Variants in TGFB2 observed in about 807,000 individuals in gnomAD.
The protein encoded by TGFB2 is transforming growth factor beta-2 proprotein.
TGFB2 carries 13 observed loss-of-function variants against 42.7 expected under a neutral mutation model. The ratio of observed to expected loss-of-function variants is 0.30; its 90% CI spans 0.20 to 0.48. TGFB2 has a LOEUF of 0.48. TGFB2 is among the 20% of genes least tolerant of loss of function. The probability of loss-of-function intolerance (pLI) is 0.99; values close to 1 mark genes in which losing one functional copy is unlikely to be tolerated. For missense variants in TGFB2, 390 were observed against 517.5 expected (o/e 0.75, Z 2.39); for synonymous variants, 193 against 193.6 (o/e 1.00, Z 0.03).
chr1:218,405,532 C>G (rs1658884954), intron 2 of TGFB2, 200 bp downstream of exon 2: 6 of 932,122 alleles, frequency 6.4e-6, no homozygotes, highest in Admixed American at 2.2e-5. Flanking sequence ...ACCCGATTAT[C>G]TTTTTAAAAA....
intron 2 of TGFB2, among the ~76,000 whole-genome samples, chr1:218,411,379 G>C (rs1472859473): frequency 6.6e-6 from 1 of 152,124 alleles, no homozygotes; most frequent in Non-Finnish European, 1.5e-5. Flanking sequence ...CAGTTGGGCT[G>C]GTCTGGAGGA....
rs771462152 is a variant in TGFB2, at chr1:218,346,707, C to T, written c.6C>T (p.His2=). 5.0e-6 allele frequency: 8 copies of T among 1,587,802 alleles called. No homozygotes were observed. Among genetic ancestry groups the T allele is most frequent in the East Asian group, 2.2e-5 (1 of 44,700 alleles). ...TTTTTCCACTTTTTTAAAAAATGCA[C>T]TACTGTGTGCTGAGCGCTTTTCTGA... M[H]YCVLSAFLIL... The change falls in exon 1 of 7, where the codon CAC becomes CAT. Residue 2 remains histidine (H), a synonymous_variant. Transcript: ENST00000366930. This position sits in a 1 kb window ranked among gnomAD's most constrained non-coding sequence, Gnocchi z 4.9.
chr1:218,396,100 C>A (rs868750556), intron 1 of TGFB2, among the ~76,000 whole-genome samples: 1 of 152,118 alleles, frequency 6.6e-6, no homozygotes, highest in Non-Finnish European at 1.5e-5. Context: ...TAGTTCATGA[C>A]GCTGAGTAAC....
chr1:218,358,124 C>G (rs1244787295), intron 1 of TGFB2, among the ~76,000 whole-genome samples: 2 of 152,166 alleles, frequency 1.3e-5, no homozygotes, highest in Non-Finnish European at 2.9e-5. Context: ...ATCTTGTAAG[C>G]AAGAATGCAA....
Position 218,441,243 on chromosome 1 carries a change from G to A in TGFB2, c.1126G>A (p.Ala376Thr), listed in dbSNP as rs201788738. ...LYNTINPEASASPCCVSQDLE... is the reference protein window; with the variant it reads ...LYNTINPEASTSPCCVSQDLE... ...TAATACCATAAATCCAGAAGCATCT[G>A]CTTCTCCTTGCTGCGTGTCCCAAGA... The change falls in exon 7 of 7, where the codon GCT (alanine) becomes ACT (threonine). Residue 376 changes from alanine to threonine, a missense_variant. Physicochemically the swap from Ala to Thr is moderately conservative, Grantham distance 58. Transcript: ENST00000366930. The A allele has an allele frequency of 1.7e-5, 28 of 1,613,592 alleles. No individual in the cohort carries two copies. The highest frequency in any genetic ancestry group is 2.4e-5 in the Non-Finnish European group (28 of 1,179,918).
At chr1:218,371,112 A>T (rs1178693649) in intron 1 of TGFB2, among the ~76,000 whole-genome samples, 1 of 152,142 alleles carries the variant, frequency 6.6e-6, no homozygotes, top group East Asian at 1.9e-4. Context: ...AAGCCTGGGC[A>T]ACATGGTGAA....
intron 1 of TGFB2, among the ~76,000 whole-genome samples, chr1:218,350,112 C>G (rs967586475): frequency 1.3e-4 from 20 of 152,160 alleles, no homozygotes; most frequent in Non-Finnish European, 2.5e-4. Flanking sequence ...GTTTTAGAAA[C>G]TTAGAAAGGG....
chr1:218,398,413 T>C (rs1454444515), intron 1 of TGFB2, among the ~76,000 whole-genome samples: 1 of 152,236 alleles, frequency 6.6e-6, no homozygotes, highest in Non-Finnish European at 1.5e-5. Flanking sequence ...ATTGCCCTCC[T>C]GAAGGGCTGA....
chr1:218,354,370 T>A (rs901390995), intron 1 of TGFB2, among the ~76,000 whole-genome samples: 4 of 152,234 alleles, frequency 2.6e-5, no homozygotes, highest in Non-Finnish European at 5.9e-5. Context: ...ATAACCATAA[T>A]ATTTTCTGTT....
At chr1:218,378,667 A>G (rs1657839162) in intron 1 of TGFB2, among the ~76,000 whole-genome samples, 1 of 151,902 alleles carries the variant, frequency 6.6e-6, no homozygotes, top group African/African-American at 2.4e-5. Flanking sequence ...TCTGGGGTGC[A>G]GGGACCATAG....
intron 1 of TGFB2, among the ~76,000 whole-genome samples, chr1:218,398,934 G>T (rs1207827748): frequency 6.6e-6 from 1 of 152,054 alleles, no homozygotes; most frequent in Non-Finnish European, 1.5e-5. Context: ...CCAGGCTTCA[G>T]TGCAGTGACT....
At chr1:218,364,346 A>G (rs1340764726) in intron 1 of TGFB2, among the ~76,000 whole-genome samples, 1 of 152,138 alleles carries the variant, frequency 6.6e-6, no homozygotes, top group African/African-American at 2.4e-5. Context: ...GAAGTCCTCA[A>G]CCCTTTCTTA....
chr1:218,424,430 G>T (rs552203305), intron 2 of TGFB2, among the ~76,000 whole-genome samples: 2 of 152,164 alleles, frequency 1.3e-5, no homozygotes, highest in South Asian at 4.1e-4. Flanking sequence ...ATAAATACAG[G>T]CTACAGCAGT....
intron 2 of TGFB2, among the ~76,000 whole-genome samples, chr1:218,406,985 T>C (rs1658935006): frequency 1.3e-5 from 2 of 152,254 alleles, no homozygotes; most frequent in Admixed American, 1.3e-4. Context: ...TTGGAATTTG[T>C]GATAATTAGG....
chr1:218,419,303 C>T (rs1190648172), intron 2 of TGFB2, among the ~76,000 whole-genome samples: 2 of 152,150 alleles, frequency 1.3e-5, no homozygotes, highest in Non-Finnish European at 2.9e-5. Flanking sequence ...CAGTGCTTTT[C>T]CCAACTACCC....
chr1:218,411,679 A>C (rs1016457600), intron 2 of TGFB2, among the ~76,000 whole-genome samples: 1 of 152,230 alleles, frequency 6.6e-6, no homozygotes, highest in Admixed American at 6.5e-5. Context: ...AGCCTGGGCA[A>C]CATGGTGAAA....
intron 1 of TGFB2, among the ~76,000 whole-genome samples, chr1:218,387,518 G>A (rs1658176850): frequency 1.3e-5 from 2 of 152,102 alleles, no homozygotes; most frequent in Non-Finnish European, 2.9e-5. Context: ...TCAAGGGCAG[G>A]TAGTGTCTCT....
intron 4 of TGFB2, 148 bp from the exon 5 acceptor site, chr1:218,435,822 A>G: frequency 2.6e-6 from 2 of 766,740 alleles, no homozygotes; most frequent in South Asian, 3.7e-5. Flanking sequence ...TGCCATATCT[A>G]TTTCCATGGG....
intron 2 of TGFB2, among the ~76,000 whole-genome samples, chr1:218,422,701 A>C (rs1659497505): frequency 6.6e-6 from 1 of 152,116 alleles, no homozygotes; most frequent in African/African-American, 2.4e-5. Context: ...GTAACCTATG[A>C]ACACATCGTT....
Sources: gnomAD v4.1 joint callset for allele counts (sites outside exome capture counted in the v4.1 genomes callset) on GRCh38, gnomAD v4.1.1 for gene constraint, Gnocchi (gnomAD v3.1) non-coding constraint, MANE v1.5 for transcripts, NCBI Gene and HGNC (gene_info 2026-07-23, HGNC 2026-07-21) for gene names.